The following SCFD2 variants were observed in gnomAD, a reference collection of about 807,000 sequenced individuals.
SCFD2 encodes sec1 family domain containing 2, also known as sec1 family domain-containing protein 2.
In SCFD2, 54 loss-of-function variants were observed where a neutral mutation model predicts 58.9. The observed-to-expected ratio is 0.92, with a 90% confidence interval of 0.74 to 1.15. SCFD2 has a LOEUF of 1.15. Among genes scored for constraint, SCFD2 ranks in the 50% most tolerant of loss-of-function variants. SCFD2 has a pLI of 0.00. For missense variants in SCFD2, 805 were observed against 836.6 expected, an observed-to-expected ratio of 0.96 and a Z score of 0.47; for synonymous variants, 321 against 335.9, an observed-to-expected ratio of 0.96 and a Z score of 0.49.
intron 5 of SCFD2, among the ~76,000 whole-genome samples, chr4:53,136,061 C>T (rs182995396): frequency 2.4e-4 from 36 of 152,248 alleles, no homozygotes; most frequent in African/African-American, 8.4e-4. Context: ...TTTTATAAAT[C>T]ACAACTGTAT....
intron 4 of SCFD2, among the ~76,000 whole-genome samples, chr4:53,272,446 C>A (rs1215217242): frequency 6.6e-6 from 1 of 152,116 alleles, no homozygotes; most frequent in Non-Finnish European, 1.5e-5. Flanking sequence ...GACTTGGAAC[C>A]AACCCAAATG....
intron 7 of SCFD2, among the ~76,000 whole-genome samples, chr4:52,894,936 A>G (rs932906232): frequency 6.6e-6 from 1 of 152,252 alleles, no homozygotes; most frequent in Non-Finnish European, 1.5e-5. Flanking sequence ...GTTAAAAAAC[A>G]TTATGGAAGA....
intron 7 of SCFD2, among the ~76,000 whole-genome samples, chr4:52,900,303 G>C (rs963298953): frequency 6.6e-6 from 1 of 152,144 alleles, no homozygotes; most frequent in South Asian, 2.1e-4. Context: ...GGTCTTTGAT[G>C]ATGGTGACGT....
intron 8 of SCFD2, 61 bp from the exon 9 acceptor site, chr4:52,874,122 G>T: frequency 9.1e-7 from 1 of 1,095,532 alleles, no homozygotes; most frequent in Non-Finnish European, 1.4e-6. Flanking sequence ...TCAGGGTATT[G>T]GATGATGAGA....
intron 4 of SCFD2, among the ~76,000 whole-genome samples, chr4:53,252,951 A>C (rs1205369750): frequency 6.6e-6 from 1 of 152,222 alleles, no homozygotes; most frequent in Admixed American, 6.5e-5. Context: ...GTGAACAGGC[A>C]GCCTACAAAA....
intron 3 of SCFD2, among the ~76,000 whole-genome samples, chr4:53,289,556 A>G (rs188108355): frequency 3.0e-4 from 46 of 152,300 alleles, no homozygotes; most frequent in Non-Finnish European, 6.2e-4. Flanking sequence ...CAATAAGAGA[A>G]GAGAGGAAAA....
chr4:52,989,792 T>C (rs1245105016), intron 5 of SCFD2, among the ~76,000 whole-genome samples: 1 of 152,196 alleles, frequency 6.6e-6, no homozygotes, highest in Non-Finnish European at 1.5e-5. Context: ...CTAATGAGTT[T>C]TCTCTGTTCC....
intron 4 of SCFD2, among the ~76,000 whole-genome samples, chr4:53,201,390 T>G (rs534012076): frequency 1.8e-4 from 28 of 152,336 alleles, no homozygotes; most frequent in African/African-American, 6.0e-4. Flanking sequence ...TTCCATGGTG[T>G]ATATGTGCCA....
chr4:52,993,216 A>C (rs1180861301), intron 5 of SCFD2, among the ~76,000 whole-genome samples: 1 of 151,754 alleles, frequency 6.6e-6, no homozygotes, highest in Non-Finnish European at 1.5e-5. Context: ...AAGAGTCATC[A>C]CCACTCCCTA....
At chr4:53,257,119 A>C (rs1367965909) in intron 4 of SCFD2, among the ~76,000 whole-genome samples, 1 of 151,800 alleles carries the variant, frequency 6.6e-6, no homozygotes, top group Non-Finnish European at 1.5e-5. Context: ...ACACACACAC[A>C]CACACACGAA....
At chr4:53,362,333 A>C (rs1290710185) in intron 1 of SCFD2, among the ~76,000 whole-genome samples, 1 of 152,214 alleles carries the variant, frequency 6.6e-6, no homozygotes, top group Non-Finnish European at 1.5e-5. Flanking sequence ...TATGGCCTTG[A>C]AAACAACAGT....
At chr4:53,148,919 AG>A (rs1206203419) in intron 4 of SCFD2, among the ~76,000 whole-genome samples, 1 of 152,218 alleles carries the variant, frequency 6.6e-6, no homozygotes, top group Non-Finnish European at 1.5e-5. Flanking sequence ...CTAAGGCAGA[AG>A]GATCGCTTGA....
intron 7 of SCFD2, among the ~76,000 whole-genome samples, chr4:52,901,446 C>T (rs1053350493): frequency 3.3e-5 from 5 of 152,194 alleles, no homozygotes; most frequent in Non-Finnish European, 5.9e-5. Flanking sequence ...ACATCTGAAT[C>T]CTGGCTGTCT....
At position 52,954,262 on chromosome 4, in the gene SCFD2, A is replaced by ATGGG. The variant is rs1207776644; in HGVS notation, c.1562-33396_1562-33393dup. Among the ~76,000 whole-genome samples the ATGGG allele has an allele frequency of 2.0e-5, 3 of 151,968 alleles. No individual in the cohort carries two copies. In the East Asian group the frequency reaches 5.8e-4, roughly 29 times the overall value. On this transcript the variant is annotated intron_variant, in intron 5 of 8. Coordinates refer to ENST00000401642, the MANE Select transcript of SCFD2 (RefSeq NM_152540.4). The stretch of plus-strand genomic sequence containing the variant: ...ACCTGCCTGTGGAGGACCGGGCTTG[A>ATGGG]TGGGTGGGAAGCAGGCCCCATACCA...
At chr4:53,010,781 G>C (rs548124870) in intron 5 of SCFD2, among the ~76,000 whole-genome samples, 3 of 152,190 alleles carry the variant, frequency 2.0e-5, no homozygotes, top group Admixed American at 1.3e-4. Context: ...GGGCCGGGCT[G>C]GGGGGCGCGG....
At chr4:53,196,125 T>A (rs1728049895) in intron 4 of SCFD2, among the ~76,000 whole-genome samples, 1 of 152,196 alleles carries the variant, frequency 6.6e-6, no homozygotes, top group African/African-American at 2.4e-5. Context: ...TGTAATTACT[T>A]TGTCTTTTTA....
intron 5 of SCFD2, among the ~76,000 whole-genome samples, chr4:52,937,622 A>C (rs1720174060): frequency 6.6e-6 from 1 of 152,188 alleles, no homozygotes; most frequent in South Asian, 2.1e-4. Flanking sequence ...TAATCATCCA[A>C]ATTGCTATAG....
At chr4:53,336,269 A>G (rs1266841799) in intron 2 of SCFD2, among the ~76,000 whole-genome samples, 4 of 152,188 alleles carry the variant, frequency 2.6e-5, no homozygotes, top group Admixed American at 2.0e-4. Context: ...AGAAAACAAA[A>G]ACAGAAACAA....
At chr4:52,964,689 G>GACACACACAC (rs148501809) in intron 5 of SCFD2, among the ~76,000 whole-genome samples, 2 of 149,208 alleles carry the variant, frequency 1.3e-5, no homozygotes, top group African/African-American at 4.9e-5. Flanking sequence ...AAATGTGAGG[G>GACACACACAC]ACACACACAC....
Sources: allele counts gnomAD v4.1 joint callset (sites outside exome capture counted in the v4.1 genomes callset), GRCh38; gene constraint gnomAD v4.1.1; transcripts MANE v1.5; gene names NCBI Gene and HGNC (gene_info 2026-07-23, HGNC 2026-07-21).